SH3PXD2A: variants seen among roughly 807,000 people sequenced by gnomAD.
SH3PXD2A encodes the protein SH3 and PX domains 2A, also known as SH3 and PX domain-containing protein 2A.
SH3PXD2A carries 32 observed loss-of-function variants against 115.2 expected under a neutral mutation model. That is an observed-to-expected ratio of 0.28 (90% CI 0.21 to 0.37). The LOEUF (loss-of-function observed/expected upper bound fraction) is 0.37, where lower values mean the gene tolerates loss of function less well. SH3PXD2A is among the 10% of genes least tolerant of loss of function. The pLI is 1.00. For synonymous variants in SH3PXD2A, 610 were observed against 629.1 expected (o/e 0.97, Z 0.45); for missense variants, 1,328 against 1,498.7 (o/e 0.89, Z 1.88).
intron 5 of SH3PXD2A, among the ~76,000 whole-genome samples, chr10:103,695,938 G>A (rs59208231): frequency 0.063 from 9,629 of 152,300 alleles, 391 homozygotes; most frequent in South Asian, 0.12. Flanking sequence ...CCAAAGCTTA[G>A]AGAAGCCGGA....
intron 8 of SH3PXD2A, among the ~76,000 whole-genome samples, chr10:103,656,059 C>G (rs1040915320): frequency 1.3e-5 from 2 of 152,220 alleles, no homozygotes; most frequent in Admixed American, 1.3e-4. Flanking sequence ...AAATTGATTT[C>G]TACTTATATC....
At chr10:103,643,268 G>T (rs1349438410) in intron 8 of SH3PXD2A, among the ~76,000 whole-genome samples, 4 of 152,170 alleles carry the variant, frequency 2.6e-5, no homozygotes, top group Non-Finnish European at 5.9e-5. Flanking sequence ...GGCACCCTAG[G>T]TGCCTAAGAG....
rs549154862 is a variant in SH3PXD2A, at chr10:103,838,660, C to T, written c.72+16535G>A. On this transcript the variant is annotated intron_variant, in intron 1 of 14. Coordinates refer to ENST00000369774, the MANE Select transcript of SH3PXD2A (RefSeq NM_001394015.1). Reference sequence around the variant, plus strand: ...CAAAGGCCAGGGAGGCAAAACAGCACAGGCAGCCACCTCTCCTACAGGACC... The same window carrying T: ...CAAAGGCCAGGGAGGCAAAACAGCATAGGCAGCCACCTCTCCTACAGGACC... 2.0e-5 allele frequency among the ~76,000 whole-genome samples: 3 copies of T among 152,314 alleles called. No individual in the cohort carries two copies. The East Asian group carries it at 5.8e-4, about 29-fold the overall frequency.
At position 103,770,756 on chromosome 10, in the gene SH3PXD2A, A is replaced by C. The variant is rs532911333; in HGVS notation, c.154-3587T>G. On this transcript the variant is annotated intron_variant, in intron 2 of 14. Transcript: ENST00000369774. The stretch of plus-strand genomic sequence containing the variant: ...ACCAGCTCCGGGGCTCTGCTGGCTT[A>C]TCCTGGTGGTGGGATATTGCTGCCA... Among the ~76,000 whole-genome samples, 3 of 152,236 alleles carry C rather than the reference A, an allele frequency of 2.0e-5. No individual in the cohort carries two copies. The East Asian group carries it at 5.8e-4, about 29-fold the overall frequency.
rs1564846153 is a variant in SH3PXD2A at position 103,620,581 on chromosome 10, C to G, written c.802+1889G>C. On this transcript the variant is annotated intron_variant, in intron 10 of 14. Transcript: ENST00000369774. This position sits in a 1 kb window ranked among gnomAD's most constrained non-coding sequence, Gnocchi z 5.3. Reference sequence around the variant, plus strand: ...TGTCTAGCTCCTCCACAACCTGCAGCCTGCCTCCCCGACCAGCTCTGCTGT... The same window carrying G: ...TGTCTAGCTCCTCCACAACCTGCAGGCTGCCTCCCCGACCAGCTCTGCTGT... Among the ~76,000 whole-genome samples, 1 of 152,206 alleles carries G rather than the reference C, an allele frequency of 6.6e-6. No individual in the cohort carries two copies. Among genetic ancestry groups the G allele is most frequent in the African/African-American group, 2.4e-5 (1 of 41,438 alleles).
intron 2 of SH3PXD2A, among the ~76,000 whole-genome samples, chr10:103,769,227 C>G (rs1438941127): frequency 6.6e-6 from 1 of 151,642 alleles, no homozygotes; most frequent in Non-Finnish European, 1.5e-5. Context: ...CGTTTGTCCA[C>G]CCATCCAGCT....
chr10:103,789,762 T>A (rs958763), intron 2 of SH3PXD2A, among the ~76,000 whole-genome samples: 118,743 of 152,140 alleles, frequency 0.78, 46,856 homozygotes, highest in East Asian at 1. Flanking sequence ...TGGCAGAGGC[T>A]GCAACTGCAT....
chr10:103,842,124 CAA>C (rs541852028), intron 1 of SH3PXD2A, among the ~76,000 whole-genome samples: 5 of 89,180 alleles, frequency 5.6e-5, no homozygotes, highest in African/African-American at 1.7e-4. Context: ...GACTCCGTCT[CAA>C]AAAAAAAAAA....
At chr10:103,661,598 A>G in intron 7 of SH3PXD2A, 4 of 942,396 alleles carry the variant, frequency 4.2e-6, no homozygotes, top group Non-Finnish European at 5.1e-6. Flanking sequence ...AGGAAAGGCA[A>G]GCAGGAGGCT....
At chr10:103,624,656 T>C (rs944687904) in intron 9 of SH3PXD2A, among the ~76,000 whole-genome samples, 1 of 152,218 alleles carries the variant, frequency 6.6e-6, no homozygotes, top group African/African-American at 2.4e-5. Flanking sequence ...AGATGAGCTA[T>C]TAGGAAAGCT....
chr10:103,773,264 C>T (rs1462647736), intron 2 of SH3PXD2A, among the ~76,000 whole-genome samples: 1 of 151,232 alleles, frequency 6.6e-6, no homozygotes, highest in Non-Finnish European at 1.5e-5. Context: ...GACAAGGCCA[C>T]CCAGTCTCTG....
chr10:103,792,354 T>A (rs1448115293), intron 2 of SH3PXD2A, among the ~76,000 whole-genome samples: 1 of 152,198 alleles, frequency 6.6e-6, no homozygotes, highest in Non-Finnish European at 1.5e-5. Context: ...GCCGAGCTAT[T>A]TGGTGAAAGT....
intron 1 of SH3PXD2A, among the ~76,000 whole-genome samples, chr10:103,804,916 C>T (rs542057827): frequency 6.6e-6 from 1 of 152,250 alleles, no homozygotes; most frequent in African/African-American, 2.4e-5. Flanking sequence ...ACCTGCATCT[C>T]TGCTTCCCAC....
chr10:103,804,523 C>T (rs1385797855), intron 1 of SH3PXD2A, among the ~76,000 whole-genome samples: 1 of 151,820 alleles, frequency 6.6e-6, no homozygotes, highest in Non-Finnish European at 1.5e-5. Flanking sequence ...AGGGTTTCAC[C>T]ATGTTAGCCA....
chr10:103,621,097 G>A (rs1425136580), intron 10 of SH3PXD2A, among the ~76,000 whole-genome samples: 1 of 152,198 alleles, frequency 6.6e-6, no homozygotes, highest in Non-Finnish European at 1.5e-5. Context: ...GTGTCAGGGA[G>A]GCTGGATGTG....
At chr10:103,738,856 A>T (rs1039621186) in intron 3 of SH3PXD2A, among the ~76,000 whole-genome samples, 3 of 150,694 alleles carry the variant, frequency 2.0e-5, no homozygotes, top group African/African-American at 7.3e-5. Context: ...GTGCAATGGC[A>T]TGATCTCAGC....
intron 4 of SH3PXD2A, among the ~76,000 whole-genome samples, chr10:103,732,114 G>A (rs770051552): frequency 7.2e-5 from 11 of 152,318 alleles, no homozygotes; most frequent in Non-Finnish European, 1.2e-4. Flanking sequence ...GTCAAAGGGT[G>A]AGTTGCTCAT....
chr10:103,761,529 T>C (rs1490754335), intron 3 of SH3PXD2A, among the ~76,000 whole-genome samples: 3 of 152,140 alleles, frequency 2.0e-5, no homozygotes, highest in Non-Finnish European at 4.4e-5. Flanking sequence ...ATAAGTTAAG[T>C]GGTTTAATTG....
rs999845484 is a variant in SH3PXD2A at position 103,779,722 on chromosome 10, G to A, written c.154-12553C>T. On this transcript the variant is annotated intron_variant, in intron 2 of 14. Coordinates refer to ENST00000369774, the MANE Select transcript of SH3PXD2A (RefSeq NM_001394015.1). The stretch of plus-strand genomic sequence containing the variant: ...AATCCTGGCACCAGCCCAGGGCGCC[G>A]GTGGTGACACTCCGCAGAGAAGGAA... Among the ~76,000 whole-genome samples the A allele has an allele frequency of 5.9e-5, 9 of 152,274 alleles. No individual in the cohort carries two copies. The East Asian group carries it at 1.7e-3, about 29-fold the overall frequency.
Sources: allele counts gnomAD v4.1 joint callset (sites outside exome capture counted in the v4.1 genomes callset), GRCh38; gene constraint gnomAD v4.1.1; non-coding constraint Gnocchi (gnomAD v3.1); transcripts MANE v1.5; gene names NCBI Gene and HGNC (gene_info 2026-07-23, HGNC 2026-07-21).